The following CAMK1D variants were observed in gnomAD, a reference collection of about 807,000 sequenced individuals.
The protein encoded by CAMK1D is calcium/calmodulin-dependent protein kinase type 1D.
CAMK1D carries 9 observed loss-of-function variants against 47.7 expected under a neutral mutation model. That is an observed-to-expected ratio of 0.19 (90% CI 0.11 to 0.33). The LOEUF is 0.33. Among genes scored for constraint, CAMK1D ranks in the 10% least tolerant of loss-of-function variants. The pLI, the probability that CAMK1D is intolerant of heterozygous loss-of-function variation, is 1.00. For synonymous variants in CAMK1D, 184 were observed against 184.9 expected (o/e 0.99, Z 0.04); for missense variants, 291 against 488.7 (o/e 0.60, Z 3.81).
At chr10:12,410,597 T>C (rs561125508) in intron 1 of CAMK1D, among the ~76,000 whole-genome samples, 2 of 152,322 alleles carry the variant, frequency 1.3e-5, no homozygotes, top group Admixed American at 1.3e-4. Flanking sequence ...TCAACAAAAT[T>C]GATCAATTTT....
intron 3 of CAMK1D, among the ~76,000 whole-genome samples, chr10:12,688,803 C>CT (rs1832757349): frequency 6.6e-6 from 1 of 152,132 alleles, no homozygotes; most frequent in Non-Finnish European, 1.5e-5. Flanking sequence ...TCCTGCCTTA[C>CT]CCCCTGAGTA....
rs145324016 is a variant in CAMK1D at position 12,510,323 on chromosome 10, G to A, written c.93-42902G>A. 7.4e-3 allele frequency among the ~76,000 whole-genome samples: 1,132 copies of A among 152,286 alleles called. 26 individuals carry two copies. The highest frequency in any genetic ancestry group is 0.045 in the East Asian group (232 of 5,176). ...CCGAGTTACTTGGGAGGCCGTGGCA[G>A]GAGAATTGCTTGAACCCAGGAGGCG... is the stretch of plus-strand genomic sequence containing the variant. On this transcript the variant is annotated intron_variant, in intron 1 of 10. Coordinates refer to ENST00000619168, the MANE Select transcript of CAMK1D (RefSeq NM_153498.4).
At position 12,825,692 on chromosome 10, in the gene CAMK1D, T is replaced by G; in HGVS notation, c.1039+2T>G. On this transcript the variant is annotated splice_donor_variant, in intron 10 of 10. Transcript: ENST00000619168. LOFTEE classifies it high-confidence loss of function. ...TCAGTTTGGCCAGCCAAAAAGACTGTGCGTATGTAGCAAAACCAGAATCCC... is the reference window on the plus strand; with the variant it reads ...TCAGTTTGGCCAGCCAAAAAGACTGGGCGTATGTAGCAAAACCAGAATCCC... 1 of 1,614,234 alleles carries G rather than the reference T, an allele frequency of 6.2e-7. No homozygotes were observed. The highest frequency in any genetic ancestry group is 8.5e-7 in the Non-Finnish European group (1 of 1,180,044).
chr10:12,507,953 G>A (rs1422406803), intron 1 of CAMK1D, among the ~76,000 whole-genome samples: 1 of 152,114 alleles, frequency 6.6e-6, no homozygotes, highest in Non-Finnish European at 1.5e-5. Flanking sequence ...AGGCCACATT[G>A]TTCCCAGATC....
intron 3 of CAMK1D, among the ~76,000 whole-genome samples, chr10:12,754,091 A>G (rs1836122155): frequency 6.6e-6 from 1 of 151,984 alleles, no homozygotes; most frequent in Non-Finnish European, 1.5e-5. Flanking sequence ...GGATTTCACC[A>G]TGTTGTCCAG....
intron 2 of CAMK1D, among the ~76,000 whole-genome samples, chr10:12,569,102 T>G (rs1837235316): frequency 6.6e-6 from 1 of 152,240 alleles, no homozygotes; most frequent in Non-Finnish European, 1.5e-5. Flanking sequence ...CTGAGTCGGA[T>G]GAACAGATGG....
chr10:12,395,837 G>C (rs1166375583), intron 1 of CAMK1D, among the ~76,000 whole-genome samples: 1 of 151,858 alleles, frequency 6.6e-6, no homozygotes, highest in Admixed American at 6.5e-5. Flanking sequence ...TGAGGCAGGA[G>C]AATTGCATGA....
chr10:12,740,391 G>A (rs143864548), intron 3 of CAMK1D, among the ~76,000 whole-genome samples: 4,080 of 152,290 alleles, frequency 0.027, 112 homozygotes, highest in South Asian at 0.15. Flanking sequence ...CTGAGGGCAG[G>A]AGTTTGAGAC....
chr10:12,721,978 C>A (rs114980161), intron 3 of CAMK1D, among the ~76,000 whole-genome samples: 1 of 152,144 alleles, frequency 6.6e-6, no homozygotes, highest in African/African-American at 2.4e-5. Context: ...GGCTCTGTTT[C>A]CCTAAGTGAG....
intron 2 of CAMK1D, among the ~76,000 whole-genome samples, chr10:12,588,980 T>C (rs1031812938): frequency 6.6e-6 from 1 of 151,866 alleles, no homozygotes; most frequent in African/African-American, 2.4e-5. Flanking sequence ...CATACATACA[T>C]ACATATATAT....
chr10:12,534,156 A>G (rs1339094907), intron 1 of CAMK1D, among the ~76,000 whole-genome samples: 1 of 151,176 alleles, frequency 6.6e-6, no homozygotes, highest in Non-Finnish European at 1.5e-5. Flanking sequence ...ACATCTATCT[A>G]TCTATCTATC....
At chr10:12,387,376 ATATATTATATATATTATATATTTT>A (rs1838536384) in intron 1 of CAMK1D, among the ~76,000 whole-genome samples, 5 of 32,888 alleles carry the variant, frequency 1.5e-4, no homozygotes, top group East Asian at 4.7e-3. Context: ...TATATATATT[ATATATTATATATATTATATATTTT>A]TATATATTAT....
chr10:12,447,771 C>T (rs1159789418), intron 1 of CAMK1D, among the ~76,000 whole-genome samples: 4 of 152,202 alleles, frequency 2.6e-5, no homozygotes, highest in African/African-American at 9.7e-5. Context: ...CTCAAGTGAT[C>T]CTCCTGCCTC....
At chr10:12,809,482 A>G (rs1267146395) in intron 6 of CAMK1D, among the ~76,000 whole-genome samples, 1 of 152,268 alleles carries the variant, frequency 6.6e-6, no homozygotes, top group Non-Finnish European at 1.5e-5. Flanking sequence ...CTGAATAGCT[A>G]AGTGTCCATG....
intron 6 of CAMK1D, among the ~76,000 whole-genome samples, chr10:12,808,160 A>G (rs1158716142): frequency 6.6e-6 from 1 of 152,192 alleles, no homozygotes; most frequent in Non-Finnish European, 1.5e-5. Context: ...CCCCTGAGAT[A>G]GGGCATAGGC....
chr10:12,570,056 T>C (rs1837274274), intron 2 of CAMK1D, among the ~76,000 whole-genome samples: 1 of 151,888 alleles, frequency 6.6e-6, no homozygotes, highest in South Asian at 2.1e-4. Flanking sequence ...AAAAAGTAGC[T>C]GGATGTGGTA....
intron 2 of CAMK1D, among the ~76,000 whole-genome samples, chr10:12,637,320 G>A (rs969277648): frequency 2.0e-5 from 3 of 152,250 alleles, no homozygotes; most frequent in South Asian, 2.1e-4. Flanking sequence ...TCTAAAATAC[G>A]ACTACTGTAG....
chr10:12,538,148 A>G (rs924050891), intron 1 of CAMK1D, among the ~76,000 whole-genome samples: 1 of 152,256 alleles, frequency 6.6e-6, no homozygotes, highest in Non-Finnish European at 1.5e-5. Flanking sequence ...AGCTGGGAAC[A>G]TACAGGGAAA....
intron 1 of CAMK1D, among the ~76,000 whole-genome samples, chr10:12,435,464 C>T (rs557683862): frequency 6.6e-6 from 1 of 152,088 alleles, no homozygotes; most frequent in Non-Finnish European, 1.5e-5. Flanking sequence ...CACCTTTGTG[C>T]AACAGGCTGG....
Sources: gnomAD v4.1 joint callset for allele counts (sites outside exome capture counted in the v4.1 genomes callset) on GRCh38, gnomAD v4.1.1 for gene constraint, MANE v1.5 for transcripts, NCBI Gene and HGNC (gene_info 2026-07-23, HGNC 2026-07-21) for gene names.